The following LRRC27 variants were observed in gnomAD, a reference collection of about 807,000 sequenced individuals.
LRRC27 encodes the protein leucine rich repeat containing 27.
In LRRC27, 57 loss-of-function variants were observed where a neutral mutation model predicts 55.0. The observed-to-expected ratio is 1.04, with a 90% CI of 0.84 to 1.29. The LOEUF (loss-of-function observed/expected upper bound fraction) is 1.29. Among genes scored for constraint, LRRC27 ranks in the 50% most tolerant of loss-of-function variants. The pLI, the probability that LRRC27 is intolerant of heterozygous loss-of-function variation, is 0.00. For missense variants in LRRC27, 721 were observed against 651.5 expected, an observed-to-expected ratio of 1.11 and a Z score of -1.16; for synonymous variants, 278 against 251.9, an observed-to-expected ratio of 1.10 and a Z score of -0.98.
In LRRC27 at chr10:132,377,942, G is replaced by C. The variant is rs1156235729; in HGVS notation, c.*2700G>C. The stretch of plus-strand genomic sequence containing the variant: ...CACGCCTGTAATCCCAGCACTTTGG[G>C]AGGCCGAGGCGAGTGGATCACGAGG... On this transcript the variant is annotated 3_prime_UTR_variant, in exon 11 of 11. Coordinates refer to ENST00000368614, the MANE Select transcript of LRRC27 (RefSeq NM_030626.3). 1 of 152,228 alleles carries C rather than the reference G, an allele frequency of 6.6e-6. No individual in the cohort carries two copies. The highest frequency in any genetic ancestry group is 1.5e-5 in the Non-Finnish European group (1 of 68,062). 9.4% of individuals were successfully genotyped at this position (152,228 alleles called of 1,614,324 possible).
At chr10:132,339,362 C>T (rs1241947007) in intron 3 of LRRC27, among the ~76,000 whole-genome samples, 1 of 152,202 alleles carries the variant, frequency 6.6e-6, no homozygotes, top group Non-Finnish European at 1.5e-5. Flanking sequence ...GGGAACCATG[C>T]ATCACTCACC....
At chr10:132,331,478 T>C (rs2066735210), upstream of LRRC27, 1 of 1,612,810 alleles carries the variant, frequency 6.2e-7, no homozygotes. Context: ...AGAGGCAGCC[T>C]TACTTCTCCA....
At chr10:132,344,903 A>G in intron 5 of LRRC27, 1 of 352,978 alleles carries the variant, frequency 2.8e-6, no homozygotes, top group South Asian at 7.8e-5. Context: ...TATTGTGATC[A>G]ATCAAATGAA....
At chr10:132,358,572 G>A (rs1484836578) in intron 8 of LRRC27, among the ~76,000 whole-genome samples, 2 of 128,478 alleles carry the variant, frequency 1.6e-5, no homozygotes, top group African/African-American at 5.6e-5. Flanking sequence ...GCAGTGTGGG[G>A]AGGAGCCGAG....
intron 10 of LRRC27, among the ~76,000 whole-genome samples, chr10:132,373,913 A>G (rs1206933299): frequency 1.3e-5 from 2 of 152,224 alleles, no homozygotes; most frequent in Admixed American, 1.3e-4. Context: ...TGAATCCCAC[A>G]GGGAATACAG....
intron 7 of LRRC27, among the ~76,000 whole-genome samples, chr10:132,355,385 C>A (rs1043328286): frequency 6.6e-6 from 1 of 152,222 alleles, no homozygotes; most frequent in African/African-American, 2.4e-5. Flanking sequence ...GACTTAGAGA[C>A]AGGCATTCAG....
Position 132,337,687 on chromosome 10 carries a change from A to G in LRRC27, c.333A>G (p.Gly111=), listed in dbSNP as rs1298216823. Reference sequence around the variant, plus strand: ...TTAAAGCGCTTCCTTCTGGGATTGGAGCTCACCAGTAAGTTGTTTATGTTT... The same window carrying G: ...TTAAAGCGCTTCCTTCTGGGATTGGGGCTCACCAGTAAGTTGTTTATGTTT... ...NRIKALPSGI[G]AHQHLKTLLL... The change falls in exon 3 of 11, where the codon GGA becomes GGG. Residue 111 remains glycine, a synonymous_variant. Coordinates refer to ENST00000368614, the MANE Select transcript of LRRC27 (RefSeq NM_030626.3). 3 of 1,613,902 alleles carry G rather than the reference A, an allele frequency of 1.9e-6. No homozygotes were observed. Among genetic ancestry groups the G allele is most frequent in the South Asian group, 2.2e-5 (2 of 91,034 alleles).
rs756457201 is a variant in LRRC27 at position 132,375,317 on chromosome 10, G to A, written c.*75G>A. 7.8e-6 allele frequency: 11 copies of A among 1,408,060 alleles called. No individual in the cohort carries two copies. The East Asian group carries it at 9.2e-5, about 12-fold the overall frequency. 87.2% of individuals were successfully genotyped at this position (1,408,060 alleles called of 1,614,324 possible). A position where few individuals can be genotyped will look rare whatever the true frequency, so the allele number is the denominator to read the frequency against. On this transcript the variant is annotated 3_prime_UTR_variant, in exon 11 of 11. Coordinates refer to ENST00000368614, the MANE Select transcript of LRRC27 (RefSeq NM_030626.3). The stretch of plus-strand genomic sequence containing the variant: ...TCTTCTTTCCCGGGCGTCGCCTCCT[G>A]TGTGGTGCCGGAAGAGCGCCAGGTT...
rs372434440 is a variant in LRRC27 at position 132,365,512 on chromosome 10, C to A, written c.1378C>A (p.Leu460Met). The change falls in exon 10 of 11, where the codon CTG (leucine) becomes ATG (methionine). Residue 460 changes from leucine to methionine, a missense_variant. Leu to Met is a conservative substitution (Grantham distance 15). Transcript: ENST00000368614. ...EQRRFHGQAP[L>M]EEMRKAAEDL... Reference sequence around the variant, plus strand: ...AAGAAGATTCCATGGCCAGGCCCCACTGGAGGAGATGAGGAAGGCTGCCGA... The same window carrying A: ...AAGAAGATTCCATGGCCAGGCCCCAATGGAGGAGATGAGGAAGGCTGCCGA... The A allele has an allele frequency of 7.4e-6, 12 of 1,613,552 alleles. No individual in the cohort carries two copies. In the African/African-American group the frequency reaches 1.6e-4, roughly 22 times the overall value.
rs759740201 is a variant in LRRC27 at position 132,344,631 on chromosome 10, C to A, written c.534C>A (p.Pro178=). Residue 178 remains proline, a synonymous_variant, in exon 5 of 11, where the codon CCC becomes CCA. Coordinates refer to ENST00000368614, the MANE Select transcript of LRRC27 (RefSeq NM_030626.3). ...TGTGGGCAGTAGAACACTCTCTCCC[C>A]AGAAATCCAACTTCTCAAGGTTTGT... ...LRMWAVEHSL[P]RNPTSQEAPP... 6.2e-7 allele frequency: 1 copy of A among 1,613,928 alleles called. No homozygotes were observed. Among genetic ancestry groups the A allele is most frequent in the Non-Finnish European group, 8.5e-7 (1 of 1,179,820 alleles).
chr10:132,341,380 C>T (rs1275493724), intron 3 of LRRC27, among the ~76,000 whole-genome samples: 1 of 152,064 alleles, frequency 6.6e-6, no homozygotes, highest in East Asian at 1.9e-4. Flanking sequence ...GAGTGGAGAC[C>T]TTGTCTCAAA....
In LRRC27 at chr10:132,337,627, G is replaced by T. The variant is rs116451295; in HGVS notation, c.273G>T (p.Pro91=). The change falls in exon 3 of 11, where the codon CCG becomes CCT. Residue 91 remains proline (P), a synonymous_variant. Coordinates refer to ENST00000368614, the MANE Select transcript of LRRC27 (RefSeq NM_030626.3). ...CTCAAGATTTCTTTCAGTTGCTTCC[G>T]AACCTGACTTGGCTGGACCTCCGGT... The part of the protein sequence containing the change: ...VIPQDFFQLL[P]NLTWLDLRYN... 0.019 allele frequency: 29,945 copies of T among 1,614,108 alleles called. 504 individuals carry two copies. The highest frequency in any genetic ancestry group is 0.053 in the South Asian group (4,782 of 91,070).
upstream of LRRC27, chr10:132,331,649 G>A (rs7100410): frequency 0.26 from 416,693 of 1,612,480 alleles, 56,993 homozygotes; most frequent in Middle Eastern, 0.31. Context: ...CAAAGGTGGT[G>A]CCTCAGCAGC....
At position 132,347,994 on chromosome 10, in the gene LRRC27, G is replaced by C. The variant is rs779585924; in HGVS notation, c.564G>C (p.Pro188=). 1.9e-6 allele frequency: 3 copies of C among 1,607,386 alleles called. No homozygotes were observed. Among genetic ancestry groups the C allele is most frequent in the Non-Finnish European group, 2.5e-6 (3 of 1,177,428 alleles). The change falls in exon 6 of 11, where the codon CCG becomes CCC. Residue 188 remains proline (P), a synonymous_variant. Coordinates refer to ENST00000368614, the MANE Select transcript of LRRC27 (RefSeq NM_030626.3). The part of the protein sequence containing the change: ...PRNPTSQEAP[P]VREMTLRDLP... ...TTCTTACTCTCCCAGAGGCTCCACC[G>C]GTTAGAGAGATGACCCTCCGTGACC...
At chr10:132,365,765 AT>A (rs1403443835) in intron 10 of LRRC27, among the ~76,000 whole-genome samples, 1 of 152,068 alleles carries the variant, frequency 6.6e-6, no homozygotes, top group African/African-American at 2.4e-5. Context: ...TGCCCGGCTA[AT>A]TTTTGTATTT....
In LRRC27 at chr10:132,338,260, G is replaced by A. The variant is rs149920865; in HGVS notation, c.341+565G>A. Among the ~76,000 whole-genome samples, 676 of 152,236 alleles carry A rather than the reference G, an allele frequency of 4.4e-3. 6 individuals carry two copies. Among genetic ancestry groups the A allele is most frequent in the Non-Finnish European group, 7.4e-3 (501 of 68,028 alleles). On this transcript the variant is annotated intron_variant, in intron 3 of 10. Coordinates refer to ENST00000368614, the MANE Select transcript of LRRC27 (RefSeq NM_030626.3). ...GACCCCAGGAGGCAGAGGTTGCAGT[G>A]AGCTGAGATCACACCACTGCACTCC...
In LRRC27 at chr10:132,363,773, C is replaced by T. The variant is rs569267330; in HGVS notation, c.1290-1651C>T. On this transcript the variant is annotated intron_variant, in intron 9 of 10. Coordinates refer to ENST00000368614, the MANE Select transcript of LRRC27 (RefSeq NM_030626.3). Reference sequence around the variant, plus strand: ...GGGGCTCCCCACTCAGTTTAACGTACCCTGGATCCCGGCTGCGATGTAAGA... The same window carrying T: ...GGGGCTCCCCACTCAGTTTAACGTATCCTGGATCCCGGCTGCGATGTAAGA... 3.3e-5 allele frequency among the ~76,000 whole-genome samples: 5 copies of T among 152,248 alleles called. No individual in the cohort carries two copies. In the South Asian group the frequency reaches 6.2e-4, roughly 19 times the overall value.
At position 132,348,103 on chromosome 10, in the gene LRRC27, A is replaced by G. The variant is rs2067811609; in HGVS notation, c.673A>G (p.Met225Val). The G allele has an allele frequency of 6.2e-7, 1 of 1,613,988 alleles. No homozygotes were observed. Among genetic ancestry groups the G allele is most frequent in the Non-Finnish European group, 8.5e-7 (1 of 1,180,046 alleles). ...CGCTCAGGACCCAGAGGGGGCTGTG[A>G]TGAAAGAGAAGGCCAGCTTTCTCCC... ...VNAQDPEGAV[M>V]KEKASFLPPV... The change falls in exon 6 of 11, where the codon ATG becomes GTG. Residue 225 changes from methionine to valine, a missense_variant. Coordinates refer to ENST00000368614, the MANE Select transcript of LRRC27 (RefSeq NM_030626.3). This position sits in a 1 kb window ranked among gnomAD's most constrained non-coding sequence, Gnocchi z 4.2.
chr10:132,346,608 G>A (rs778499829), intron 5 of LRRC27, among the ~76,000 whole-genome samples: 23 of 152,260 alleles, frequency 1.5e-4, no homozygotes, highest in Middle Eastern at 3.4e-3. Context: ...CCCGGGAGGC[G>A]GAGCCAAGAT....
Sources: allele counts gnomAD v4.1 joint callset (sites outside exome capture counted in the v4.1 genomes callset), GRCh38; gene constraint gnomAD v4.1.1; non-coding constraint Gnocchi (gnomAD v3.1); transcripts MANE v1.5; gene names NCBI Gene and HGNC (gene_info 2026-07-23, HGNC 2026-07-21).